Variants in NTRK2 observed in about 807,000 individuals in gnomAD.
NTRK2 encodes neurotrophic receptor tyrosine kinase 2, also known as BDNF/NT-3 growth factors receptor.
A neutral mutation model predicts 94.5 loss-of-function variants in NTRK2; 13 were observed. That is an observed-to-expected ratio of 0.14 (90% confidence interval 0.09 to 0.22). The LOEUF (loss-of-function observed/expected upper bound fraction) is 0.22, where lower values mean the gene tolerates loss of function less well. Ranked by LOEUF, NTRK2 falls within the 10% of genes least tolerant of loss-of-function variation. The probability of loss-of-function intolerance (pLI) is 1.00; values close to 1 mark genes in which losing one functional copy is unlikely to be tolerated. For synonymous variants in NTRK2, 372 were observed against 407.4 expected (o/e 0.91, Z 1.05); for missense variants, 639 against 1,071.2 (o/e 0.60, Z 5.63).
At chr9:84,977,629 G>A (rs867877783) in intron 17 of NTRK2, among the ~76,000 whole-genome samples, 10 of 152,154 alleles carry the variant, frequency 6.6e-5, no homozygotes, top group Middle Eastern at 3.2e-3. Context: ...CAGAATTCGT[G>A]GATAATGAGA....
At chr9:84,960,221 T>A (rs1824734462) in intron 17 of NTRK2, among the ~76,000 whole-genome samples, 1 of 152,178 alleles carries the variant, frequency 6.6e-6, no homozygotes, top group Non-Finnish European at 1.5e-5. Context: ...TCCCAGTTTA[T>A]CAACTGGGAA....
chr9:84,773,681 C>A (rs909494727), intron 12 of NTRK2, among the ~76,000 whole-genome samples: 5 of 152,128 alleles, frequency 3.3e-5, no homozygotes, highest in Non-Finnish European at 7.4e-5. Context: ...ACAAATATTT[C>A]TTTGCTGGGA....
At chr9:84,789,167 G>A (rs577983112) in intron 12 of NTRK2, among the ~76,000 whole-genome samples, 103 of 152,280 alleles carry the variant, frequency 6.8e-4, no homozygotes, top group African/African-American at 2.1e-3. Flanking sequence ...TCAATGGCAC[G>A]CAGGGGGAGA....
chr9:84,691,670 C>G (rs2060056402), intron 2 of NTRK2, among the ~76,000 whole-genome samples: 1 of 152,162 alleles, frequency 6.6e-6, no homozygotes, highest in African/African-American at 2.4e-5. Context: ...GAGGTACCAG[C>G]AGAGATGCAG....
At chr9:84,844,649 T>TCACACACACACA (rs10562034) in intron 12 of NTRK2, among the ~76,000 whole-genome samples, 5 of 140,922 alleles carry the variant, frequency 3.5e-5, no homozygotes, top group East Asian at 2.1e-4. Flanking sequence ...AATACCTCAC[T>TCACACACACACA]CACACACACA....
intron 14 of NTRK2, among the ~76,000 whole-genome samples, chr9:84,880,003 A>AT (rs1207436799): frequency 6.6e-6 from 1 of 152,224 alleles, no homozygotes; most frequent in Non-Finnish European, 1.5e-5. Flanking sequence ...ATGATCATGA[A>AT]TATAAAGCCG....
At chr9:84,706,983 C>T (rs975684836) in intron 4 of NTRK2, among the ~76,000 whole-genome samples, 1 of 152,142 alleles carries the variant, frequency 6.6e-6, no homozygotes, top group Non-Finnish European at 1.5e-5. Flanking sequence ...ATTTATTAAA[C>T]ACATCTTGAG....
intron 11 of NTRK2, 35 bp from the exon 12 acceptor site, chr9:84,751,951 G>A: frequency 1.3e-6 from 2 of 1,540,868 alleles, no homozygotes; most frequent in Middle Eastern, 1.7e-4. Flanking sequence ...GAACTAATTA[G>A]CAAGGTTATA....
At chr9:84,881,720 C>T (rs888544068) in intron 14 of NTRK2, among the ~76,000 whole-genome samples, 1 of 152,160 alleles carries the variant, frequency 6.6e-6, no homozygotes, top group Non-Finnish European at 1.5e-5. Context: ...GGTTATCTTT[C>T]CTTTTGAATT....
chr9:84,684,279 C>A (rs979595916), intron 2 of NTRK2, among the ~76,000 whole-genome samples: 1 of 152,158 alleles, frequency 6.6e-6, no homozygotes, highest in Admixed American at 6.6e-5. Context: ...CATGCATATA[C>A]CTGAATGGCA....
At chr9:84,757,085 A>G (rs1322872340) in intron 12 of NTRK2, among the ~76,000 whole-genome samples, 1 of 152,218 alleles carries the variant, frequency 6.6e-6, no homozygotes, top group Non-Finnish European at 1.5e-5. Flanking sequence ...AAATGTGACC[A>G]AAAGCCAGAA....
At chr9:84,679,354 C>T (rs2059257572) in intron 2 of NTRK2, among the ~76,000 whole-genome samples, 1 of 152,120 alleles carries the variant, frequency 6.6e-6, no homozygotes, top group African/African-American at 2.4e-5. Context: ...GCTGTAAACC[C>T]CCTTTAATGG....
At chr9:84,862,508 G>T (rs990332713) in intron 13 of NTRK2, among the ~76,000 whole-genome samples, 5 of 152,214 alleles carry the variant, frequency 3.3e-5, no homozygotes, top group Non-Finnish European at 7.3e-5. Flanking sequence ...CTGCAAAAAT[G>T]TGGTTTTACT....
chr9:84,821,980 G>T (rs377074462), intron 12 of NTRK2, among the ~76,000 whole-genome samples: 1 of 152,270 alleles, frequency 6.6e-6, no homozygotes. Flanking sequence ...GAAATGTTGA[G>T]GTTTGGGATA....
intron 17 of NTRK2, among the ~76,000 whole-genome samples, chr9:84,998,475 T>A (rs1830007951): frequency 1.3e-5 from 2 of 152,062 alleles, no homozygotes; most frequent in Non-Finnish European, 1.5e-5. Context: ...CACTATGAAA[T>A]CAACAGCAAC....
At chr9:84,756,112 A>G (rs993912274) in intron 12 of NTRK2, among the ~76,000 whole-genome samples, 5 of 152,134 alleles carry the variant, frequency 3.3e-5, no homozygotes, top group Admixed American at 3.3e-4. Context: ...GTCTAAATCT[A>G]TGTCGGTATC....
chr9:84,791,181 C>T (rs2068689779), intron 12 of NTRK2, among the ~76,000 whole-genome samples: 1 of 152,040 alleles, frequency 6.6e-6, no homozygotes. Flanking sequence ...AAATGGCAAC[C>T]AAGACATGAA....
At chr9:84,803,906 G>A (rs915441037) in intron 12 of NTRK2, among the ~76,000 whole-genome samples, 2 of 152,126 alleles carry the variant, frequency 1.3e-5, no homozygotes. Context: ...TCAAGTGAGG[G>A]TAATTTGTTT....
At chr9:84,746,119 A>T (rs2064045685) in intron 11 of NTRK2, among the ~76,000 whole-genome samples, 2 of 152,142 alleles carry the variant, frequency 1.3e-5, no homozygotes, top group African/African-American at 4.8e-5. Flanking sequence ...AGTCCAGCTC[A>T]CCACCTGTTT....
Sources: gnomAD v4.1 joint callset for allele counts (sites outside exome capture counted in the v4.1 genomes callset) on GRCh38, gnomAD v4.1.1 for gene constraint, MANE v1.5 for transcripts, NCBI Gene and HGNC (gene_info 2026-07-23, HGNC 2026-07-21) for gene names.